Variants in TTC29 observed in about 807,000 individuals in gnomAD.
TTC29 encodes the protein tetratricopeptide repeat domain 29.
In TTC29, 49 loss-of-function variants were observed where a neutral mutation model predicts 58.1. That is an observed-to-expected ratio of 0.84 (90% CI 0.67 to 1.07). The LOEUF (loss-of-function observed/expected upper bound fraction) is 1.07. TTC29 is among the 50% of genes least tolerant of loss of function. The pLI is 0.00. For synonymous variants in TTC29, 209 were observed against 196.8 expected (o/e 1.06, Z -0.52); for missense variants, 582 against 555.6 (o/e 1.05, Z -0.48).
At chr4:146,798,280 G>C (rs1749964518) in intron 11 of TTC29, among the ~76,000 whole-genome samples, 3 of 152,026 alleles carry the variant, frequency 2.0e-5, no homozygotes, top group Non-Finnish European at 4.4e-5. Flanking sequence ...CGGGGGATAG[G>C]GTAGGGTTGA....
intron 11 of TTC29, among the ~76,000 whole-genome samples, chr4:146,746,311 C>T (rs1008023339): frequency 9.2e-5 from 14 of 152,156 alleles, no homozygotes; most frequent in Non-Finnish European, 1.9e-4. Flanking sequence ...GTGTAGGACT[C>T]GTTAGTATGC....
chr4:146,921,095 G>A (rs553187498), intron 4 of TTC29, among the ~76,000 whole-genome samples: 18 of 151,472 alleles, frequency 1.2e-4, no homozygotes, highest in Non-Finnish European at 2.4e-4. Flanking sequence ...TTTAATTACC[G>A]TTGCAAAGTA....
At chr4:146,813,084 C>A (rs779683619) in intron 10 of TTC29, 2 of 152,120 alleles carry the variant, frequency 1.3e-5, no homozygotes, top group Non-Finnish European at 2.9e-5. Flanking sequence ...GAACAACGCT[C>A]GAATTATTAC....
At chr4:146,763,664 A>G (rs567706092) in intron 11 of TTC29, 1 of 152,266 alleles carries the variant, frequency 6.6e-6, no homozygotes, top group African/African-American at 2.4e-5. Context: ...AGAAAAAGAT[A>G]TTCTTTCAGT....
chr4:146,896,190 T>C (rs1204142720), intron 6 of TTC29, among the ~76,000 whole-genome samples: 2 of 152,172 alleles, frequency 1.3e-5, no homozygotes, highest in African/African-American at 2.4e-5. Flanking sequence ...CTCCAGAATA[T>C]GATATACAGA....
At chr4:146,728,817 GTATATATACA>G (rs1744052407) in intron 11 of TTC29, among the ~76,000 whole-genome samples, 1 of 71,330 alleles carries the variant, frequency 1.4e-5, no homozygotes, top group Non-Finnish European at 2.7e-5. Context: ...ATATATATGT[GTATATATACA>G]TATATATACA....
intron 11 of TTC29, among the ~76,000 whole-genome samples, chr4:146,780,717 G>A (rs1280703502): frequency 1.3e-5 from 2 of 151,748 alleles, no homozygotes; most frequent in African/African-American, 2.4e-5. Context: ...TAATATAACT[G>A]TACCAGTTTT....
At chr4:146,857,595 A>G (rs1402679147) in intron 8 of TTC29, among the ~76,000 whole-genome samples, 1 of 152,136 alleles carries the variant, frequency 6.6e-6, no homozygotes, top group African/African-American at 2.4e-5. Flanking sequence ...GCTTGTCTGC[A>G]TGTTATATAT....
At chr4:146,919,757 T>G (rs1186316053) in intron 4 of TTC29, among the ~76,000 whole-genome samples, 2 of 151,134 alleles carry the variant, frequency 1.3e-5, no homozygotes, top group African/African-American at 2.4e-5. Context: ...TCTTTTAGTT[T>G]TCTACACAGC....
chr4:146,816,748 C>T (rs1751434282), intron 10 of TTC29, among the ~76,000 whole-genome samples: 1 of 152,062 alleles, frequency 6.6e-6, no homozygotes, highest in Admixed American at 6.6e-5. Flanking sequence ...GGAAATGAGA[C>T]ACCTTGTTTG....
At chr4:146,710,204 C>G (rs900648932) in intron 11 of TTC29, among the ~76,000 whole-genome samples, 1 of 152,158 alleles carries the variant, frequency 6.6e-6, no homozygotes, top group African/African-American at 2.4e-5. Flanking sequence ...CTAGATGGCA[C>G]AGCCTACCAC....
At chr4:146,793,096 A>C (rs1200983665) in intron 11 of TTC29, among the ~76,000 whole-genome samples, 1 of 152,220 alleles carries the variant, frequency 6.6e-6, no homozygotes, top group Non-Finnish European at 1.5e-5. Context: ...CTACTGGTGA[A>C]GATACTGTGA....
intron 9 of TTC29, 32 bp downstream of exon 9, chr4:146,833,774 A>G: frequency 6.5e-7 from 1 of 1,537,286 alleles, no homozygotes; most frequent in African/African-American, 1.4e-5. Context: ...GTGAATTCAC[A>G]GTGACAGCAA....
At chr4:146,747,925 C>G (rs1187721035) in intron 11 of TTC29, among the ~76,000 whole-genome samples, 1 of 152,212 alleles carries the variant, frequency 6.6e-6, no homozygotes, top group East Asian at 1.9e-4. Context: ...CACCTTGCCT[C>G]TCTGGGGAGT....
intron 11 of TTC29, 106 bp downstream of exon 11, chr4:146,803,351 C>T: frequency 1.2e-6 from 1 of 809,270 alleles, no homozygotes; most frequent in Non-Finnish European, 1.9e-6. Flanking sequence ...TTGAAATTAC[C>T]AATCAAATTA....
chr4:146,717,642 T>C (rs1351176881), intron 11 of TTC29, among the ~76,000 whole-genome samples: 2 of 152,134 alleles, frequency 1.3e-5, no homozygotes, highest in Non-Finnish European at 2.9e-5. Context: ...TATATATTTA[T>C]GGGGTACAAA....
intron 8 of TTC29, among the ~76,000 whole-genome samples, chr4:146,838,616 C>A (rs1053260432): frequency 2.6e-5 from 4 of 151,924 alleles, no homozygotes; most frequent in African/African-American, 9.7e-5. Flanking sequence ...TAGGAGGGTA[C>A]CTTGGACAGA....
At chr4:146,727,987 G>A (rs1267309912) in intron 11 of TTC29, among the ~76,000 whole-genome samples, 1 of 152,016 alleles carries the variant, frequency 6.6e-6, no homozygotes, top group African/African-American at 2.4e-5. Context: ...TTGCTAACTG[G>A]AATAAGAATC....
At chr4:146,924,440 T>C (rs551676036) in intron 4 of TTC29, among the ~76,000 whole-genome samples, 1 of 152,034 alleles carries the variant, frequency 6.6e-6, no homozygotes, top group South Asian at 2.1e-4. Context: ...CTTTAATAAA[T>C]ATAAATCTCT....
Sources: gnomAD v4.1 joint callset for allele counts (sites outside exome capture counted in the v4.1 genomes callset) on GRCh38, gnomAD v4.1.1 for gene constraint, MANE v1.5 for transcripts, NCBI Gene and HGNC (gene_info 2026-07-23, HGNC 2026-07-21) for gene names.